Variants in IFT88 observed in about 807,000 individuals in gnomAD.
The protein encoded by IFT88 is intraflagellar transport 88.
IFT88 carries 74 observed loss-of-function variants against 119.5 expected under a neutral mutation model. The observed-to-expected ratio is 0.62, with a 90% CI of 0.51 to 0.75. IFT88 has a LOEUF of 0.75. Ranked by LOEUF, IFT88 falls within the 30% of genes least tolerant of loss-of-function variation. IFT88 has a pLI of 0.00. For missense variants in IFT88, 961 were observed against 977.7 expected (o/e 0.98, Z 0.23); for synonymous variants, 279 against 316.7 (o/e 0.88, Z 1.26).
intron 13 of IFT88, chr13:20,607,549 T>C (rs2043716263): frequency 1.4e-6 from 1 of 716,648 alleles, no homozygotes; most frequent in African/African-American, 1.7e-5. Context: ...TTTCAGAACA[T>C]TTTCTCCAAA....
chr13:20,643,681 A>C, intron 19 of IFT88, 76 bp downstream of exon 19: 1 of 957,896 alleles, frequency 1.0e-6, no homozygotes, highest in Non-Finnish European at 1.6e-6. Flanking sequence ...CAAGGCTTTA[A>C]AATTTTAGAA....
At chr13:20,573,306 G>C (rs1343577494) in intron 1 of IFT88, among the ~76,000 whole-genome samples, 1 of 151,488 alleles carries the variant, frequency 6.6e-6, no homozygotes, top group African/African-American at 2.4e-5. Flanking sequence ...AGACAGCTTT[G>C]TATCAGCCCA....
At chr13:20,682,617 A>G (rs1205027297) in intron 24 of IFT88, among the ~76,000 whole-genome samples, 1 of 152,220 alleles carries the variant, frequency 6.6e-6, no homozygotes, top group Non-Finnish European at 1.5e-5. Context: ...GAGCAGTCTG[A>G]ATTTTGTCAG....
chr13:20,615,736 A>T, intron 13 of IFT88, 57 bp from the exon 14 acceptor site: 1 of 995,162 alleles, frequency 1.0e-6, no homozygotes, highest in Non-Finnish European at 1.5e-6. Flanking sequence ...ATTTTAGGAA[A>T]TCCAAACTAT....
chr13:20,615,954 T>C (rs867699809), intron 14 of IFT88, 75 bp downstream of exon 14: 4 of 758,510 alleles, frequency 5.3e-6, no homozygotes, highest in African/African-American at 1.8e-5. Flanking sequence ...TAAATTAATA[T>C]TGTCATTAGA....
intron 24 of IFT88, among the ~76,000 whole-genome samples, chr13:20,682,854 C>T (rs1185103546): frequency 6.6e-6 from 1 of 152,242 alleles, no homozygotes; most frequent in Non-Finnish European, 1.5e-5. Context: ...AAACGCTTAG[C>T]AGGCTGCAGG....
In IFT88 at chr13:20,598,636, T is replaced by A; in HGVS notation, c.595-15T>A. ...GTGGTCTTATGTGTCTTTTCTATAA[T>A]ATTTTCTTCCTTAGGTTCTTTTCAA... On this transcript the variant is annotated splice_polypyrimidine_tract_variant and intron_variant, in intron 9 of 25. Coordinates refer to ENST00000351808, the MANE Select transcript of IFT88 (RefSeq NM_006531.5). The A allele has an allele frequency of 6.5e-7, 1 of 1,547,544 alleles. No homozygotes were observed. Among genetic ancestry groups the A allele is most frequent in the South Asian group, 1.1e-5 (1 of 89,424 alleles).
chr13:20,674,717 TATA>T (rs1407212307), intron 24 of IFT88, among the ~76,000 whole-genome samples: 1,265 of 84,836 alleles, frequency 0.015, 55 homozygotes, highest in African/African-American at 0.039. Context: ...TATATATATA[TATA>T]TATATTTTTT....
At chr13:20,649,184 A>G (rs186777147) in intron 20 of IFT88, among the ~76,000 whole-genome samples, 2 of 152,326 alleles carry the variant, frequency 1.3e-5, no homozygotes, top group East Asian at 3.9e-4. Flanking sequence ...GTCATACACA[A>G]GACACTGAAC....
At position 20,647,571 on chromosome 13, in the gene IFT88, T is replaced by G. The variant is rs183680485; in HGVS notation, c.1949+2613T>G. On this transcript the variant is annotated intron_variant, in intron 20 of 25. Coordinates refer to ENST00000351808, the MANE Select transcript of IFT88 (RefSeq NM_006531.5). ...TTTAAGCATAAACTGTTGTTTTATTTTCTTTACATTCATAAATCATGTCTT... is the reference window on the plus strand; with the variant it reads ...TTTAAGCATAAACTGTTGTTTTATTGTCTTTACATTCATAAATCATGTCTT... Among the ~76,000 whole-genome samples the G allele has an allele frequency of 1.5e-4, 23 of 152,340 alleles. No individual in the cohort carries two copies. In the East Asian group the frequency reaches 4.4e-3, roughly 29 times the overall value.
intron 13 of IFT88, among the ~76,000 whole-genome samples, chr13:20,605,706 C>G (rs1473539227): frequency 6.6e-6 from 1 of 152,190 alleles, no homozygotes; most frequent in Non-Finnish European, 1.5e-5. Flanking sequence ...GCCTGTAAGC[C>G]TGGGCCTCCT....
At chr13:20,635,729 T>G (rs893177049) in intron 16 of IFT88, among the ~76,000 whole-genome samples, 3 of 150,702 alleles carry the variant, frequency 2.0e-5, no homozygotes, top group Non-Finnish European at 3.0e-5. Context: ...TGTCGGGGAG[T>G]GGAAGGCAAG....
At position 20,601,949 on chromosome 13, in the gene IFT88, A is replaced by G. The variant is rs1370878179; in HGVS notation, c.1041+16A>G. 1 of 1,383,166 alleles carries G rather than the reference A, an allele frequency of 7.2e-7. No homozygotes were observed. The highest frequency in any genetic ancestry group is 1.0e-6 in the Non-Finnish European group (1 of 977,374). The allele number at this position is 1,383,166 out of a possible 1,614,324, so 85.7% of individuals were successfully genotyped here. A position where few individuals can be genotyped will look rare whatever the true frequency, so the allele number is the denominator to read the frequency against. ...TTCACCAAGTGTGAGTATGAAAAAG[A>G]CATTTCTGTAGCCACTTCCCACTTA... On this transcript the variant is annotated intron_variant, in intron 12 of 25. Transcript: ENST00000351808.
intron 1 of IFT88, among the ~76,000 whole-genome samples, chr13:20,569,995 C>T (rs1040823199): frequency 6.6e-6 from 1 of 150,884 alleles, no homozygotes; most frequent in Non-Finnish European, 1.5e-5. Flanking sequence ...CAGTGAGCCG[C>T]GCCACTGCCC....
chr13:20,619,596 A>T (rs2046176432), intron 14 of IFT88, among the ~76,000 whole-genome samples: 1 of 151,862 alleles, frequency 6.6e-6, no homozygotes, highest in African/African-American at 2.4e-5. Flanking sequence ...CATGGTATTA[A>T]TATGTAAAAA....
chr13:20,587,873 C>T (rs1409899208), intron 3 of IFT88, among the ~76,000 whole-genome samples: 1 of 151,956 alleles, frequency 6.6e-6, no homozygotes, highest in Non-Finnish European at 1.5e-5. Context: ...TTCTTATTAG[C>T]AGCGTGTGAT....
chr13:20,572,604 T>G (rs1320402797), intron 1 of IFT88, among the ~76,000 whole-genome samples: 1 of 152,232 alleles, frequency 6.6e-6, no homozygotes, highest in African/African-American at 2.4e-5. Context: ...AATTATATAG[T>G]TCAATATTTG....
intron 11 of IFT88, 64 bp downstream of exon 11, chr13:20,599,629 T>C (rs1161807009): frequency 2.3e-5 from 17 of 724,488 alleles, no homozygotes; most frequent in Non-Finnish European, 3.5e-5. Context: ...AAGATAACTC[T>C]TCTGACCTGT....
intron 7 of IFT88, among the ~76,000 whole-genome samples, chr13:20,593,629 A>G (rs1374964041): frequency 1.3e-5 from 2 of 152,040 alleles, no homozygotes; most frequent in Non-Finnish European, 2.9e-5. Context: ...GAACCTCTAT[A>G]GAAAATCATG....
Sources: allele counts gnomAD v4.1 joint callset (sites outside exome capture counted in the v4.1 genomes callset), GRCh38; gene constraint gnomAD v4.1.1; transcripts MANE v1.5; gene names NCBI Gene and HGNC (gene_info 2026-07-23, HGNC 2026-07-21).